SPSB4: variants seen among roughly 807,000 people sequenced by gnomAD.
SPSB4 encodes splA/ryanodine receptor domain and SOCS box containing 4, also known as SPRY domain-containing SOCS box protein 4.
In SPSB4, 21 loss-of-function variants were observed where a neutral mutation model predicts 20.9. The observed-to-expected ratio is 1.01, with a 90% CI of 0.71 to 1.45. The LOEUF (loss-of-function observed/expected upper bound fraction) is 1.45, where lower values mean the gene tolerates loss of function less well. Ranked by LOEUF, SPSB4 falls within the 40% of genes most tolerant of loss-of-function variation. The pLI, the probability that SPSB4 is intolerant of heterozygous loss-of-function variation, is 0.00. For missense variants in SPSB4, 399 were observed against 399.2 expected, an observed-to-expected ratio of 1.00 and a Z score of 0.00; for synonymous variants, 207 against 183.8, an observed-to-expected ratio of 1.13 and a Z score of -1.02.
intron 2 of SPSB4, among the ~76,000 whole-genome samples, chr3:141,071,604 T>A (rs910663616): frequency 6.6e-6 from 1 of 152,088 alleles, no homozygotes; most frequent in African/African-American, 2.4e-5. Context: ...AGCTAGCAAA[T>A]GACACAGCTG....
intron 2 of SPSB4, among the ~76,000 whole-genome samples, chr3:141,090,889 C>T (rs952538534): frequency 7.2e-5 from 11 of 152,078 alleles, no homozygotes; most frequent in African/African-American, 2.7e-4. Flanking sequence ...TGGCTTGGCT[C>T]GGGATGGCAG....
intron 2 of SPSB4, among the ~76,000 whole-genome samples, chr3:141,081,375 C>CAG (rs1219254695): frequency 6.6e-6 from 1 of 152,090 alleles, no homozygotes; most frequent in Non-Finnish European, 1.5e-5. Flanking sequence ...TGAGGAGCCC[C>CAG]AGAGAGAGAG....
intron 2 of SPSB4, among the ~76,000 whole-genome samples, chr3:141,131,301 C>T (rs1339312473): frequency 2.0e-5 from 3 of 152,142 alleles, no homozygotes; most frequent in Admixed American, 1.3e-4. Flanking sequence ...GCAAATGCTT[C>T]ACTTGTGTTG....
In SPSB4 at chr3:141,147,475, C is replaced by T. The variant is rs1376820562; in HGVS notation, c.*206C>T. On this transcript the variant is annotated 3_prime_UTR_variant, in exon 3 of 3. Coordinates refer to ENST00000310546, the MANE Select transcript of SPSB4 (RefSeq NM_080862.3). The stretch of plus-strand genomic sequence containing the variant: ...CAGTATCTACTGCCCTCGAGGCAGC[C>T]CTCCCAAGTCAGACACCTCCTTCGG... The T allele has an allele frequency of 1.2e-5, 9 of 772,464 alleles. No individual in the cohort carries two copies. The highest frequency in any genetic ancestry group is 1.8e-5 in the Non-Finnish European group (9 of 509,516). 47.9% of individuals were successfully genotyped at this position (772,464 alleles called of 1,614,324 possible).
At chr3:141,136,089 G>A (rs1228650850) in intron 2 of SPSB4, among the ~76,000 whole-genome samples, 2 of 152,092 alleles carry the variant, frequency 1.3e-5, no homozygotes, top group African/African-American at 2.4e-5. Context: ...TTCTCTGATG[G>A]CCAGTGATGA....
intron 1 of SPSB4, among the ~76,000 whole-genome samples, chr3:141,055,514 A>G (rs1937621886): frequency 6.6e-6 from 1 of 151,890 alleles, no homozygotes; most frequent in African/African-American, 2.4e-5. Context: ...GAATGAAGAG[A>G]TTGGTGGGTG....
At chr3:141,060,658 C>T (rs182285482) in intron 1 of SPSB4, among the ~76,000 whole-genome samples, 1 of 152,312 alleles carries the variant, frequency 6.6e-6, no homozygotes. Context: ...ATTGCTAGGT[C>T]AAAGGGTCTG....
chr3:141,058,914 A>G (rs1937709328), intron 1 of SPSB4, among the ~76,000 whole-genome samples: 2 of 152,110 alleles, frequency 1.3e-5, no homozygotes, highest in African/African-American at 4.8e-5. Context: ...TCATCCTCTG[A>G]AAAACAGCAG....
At position 141,066,609 on chromosome 3, in the gene SPSB4, G is replaced by C. The variant is rs759365429; in HGVS notation, c.505G>C (p.Glu169Gln). 1 of 1,595,352 alleles carries C rather than the reference G, an allele frequency of 6.3e-7. No individual in the cohort carries two copies. The highest frequency in any genetic ancestry group is 8.5e-7 in the Non-Finnish European group (1 of 1,170,950). ...CTACCCGGCCTTTCTGGGGCCCGAC[G>C]AGGCCTTTGCGCTGCCCGACTCGCT... ...VAYPAFLGPDEAFALPDSLLV... is the reference protein window; with the variant it reads ...VAYPAFLGPDQAFALPDSLLV... The change falls in exon 2 of 3, where the codon GAG becomes CAG. Residue 169 changes from glutamate to glutamine, a missense_variant. Physicochemically the swap from Glu to Gln is conservative, Grantham distance 29. Coordinates refer to ENST00000310546, the MANE Select transcript of SPSB4 (RefSeq NM_080862.3).
intron 2 of SPSB4, among the ~76,000 whole-genome samples, chr3:141,126,925 GC>G (rs1384105417): frequency 2.0e-5 from 3 of 152,318 alleles, no homozygotes; most frequent in East Asian, 3.9e-4. Flanking sequence ...CTCCAATACA[GC>G]CCCCCATGCC....
intron 2 of SPSB4, among the ~76,000 whole-genome samples, chr3:141,078,543 C>T (rs1039025950): frequency 2.6e-5 from 4 of 152,104 alleles, no homozygotes; most frequent in African/African-American, 9.7e-5. Context: ...GCTTGGGGGA[C>T]CTGAAGATCC....
intron 1 of SPSB4, among the ~76,000 whole-genome samples, chr3:141,061,280 CA>C (rs951878221): frequency 3.4e-5 from 5 of 148,252 alleles, no homozygotes; most frequent in African/African-American, 4.9e-5. Context: ...ATTTATAGAC[CA>C]AAAAAAAAGA....
chr3:141,051,594 G>A lies in SPSB4; in HGVS notation c.-552G>A, dbSNP rs1936089663. 6.6e-6 allele frequency: 1 copy of A among 151,388 alleles called. No homozygotes were observed. The highest frequency in any genetic ancestry group is 2.4e-5 in the African/African-American group (1 of 41,300). The allele number at this position is 151,388 out of a possible 1,614,324, so 9.4% of individuals were successfully genotyped here. A position where few individuals can be genotyped will look rare whatever the true frequency, so the allele number is the denominator to read the frequency against. ...TGGGGAAGACGCCCGGCGCGCCGGG[G>A]GCCAGCGGCCGAGGCGCGGCCCGTG... On this transcript the variant is annotated 5_prime_UTR_variant, in exon 1 of 3. Transcript: ENST00000310546.
intron 1 of SPSB4, among the ~76,000 whole-genome samples, chr3:141,064,939 CAA>C (rs910567303): frequency 6.6e-6 from 1 of 152,190 alleles, no homozygotes; most frequent in Non-Finnish European, 1.5e-5. Context: ...CCTGATCGAA[CAA>C]AGAGCTCACC....
chr3:141,119,968 G>C (rs913311850), intron 2 of SPSB4, among the ~76,000 whole-genome samples: 2 of 151,890 alleles, frequency 1.3e-5, no homozygotes, highest in African/African-American at 4.8e-5. Flanking sequence ...TTTTGAATTT[G>C]GTTGCTCTTG....
At chr3:141,136,683 T>C (rs1939233749) in intron 2 of SPSB4, among the ~76,000 whole-genome samples, 2 of 152,330 alleles carry the variant, frequency 1.3e-5, no homozygotes, top group South Asian at 4.1e-4. Flanking sequence ...GGCTCTGTTC[T>C]GTTCCATTGG....
At position 141,129,166 on chromosome 3, in the gene SPSB4, T is replaced by A. The variant is rs144285179; in HGVS notation, c.695-17976T>A. On this transcript the variant is annotated intron_variant, in intron 2 of 2. Coordinates refer to ENST00000310546, the MANE Select transcript of SPSB4 (RefSeq NM_080862.3). ...GAAGGCCAGACCCTTGAGTTCTTCA[T>A]CTAAGTGGAGGTGTCTTTCCCACAC... Among the ~76,000 whole-genome samples, 237 of 152,258 alleles carry A rather than the reference T, an allele frequency of 1.6e-3. 1 individual carries two copies. The highest frequency in any genetic ancestry group is 8.2e-3 in the Admixed American group (126 of 15,296).
rs1439584684 is a variant in SPSB4, at chr3:141,066,418, C to T, written c.314C>T (p.Pro105Leu). The part of the protein sequence containing the change: ...RGLHAWQINW[P>L]ARQRGTHAVV... ...CTGCACGCCTGGCAGATCAACTGGC[C>T]GGCTCGGCAGCGCGGCACCCACGCT... Residue 105 changes from proline to leucine, a missense_variant, in exon 2 of 3, where the codon CCG becomes CTG. Coordinates refer to ENST00000310546, the MANE Select transcript of SPSB4 (RefSeq NM_080862.3). The T allele has an allele frequency of 6.6e-7, 1 of 1,524,468 alleles. No individual in the cohort carries two copies. Among genetic ancestry groups the T allele is most frequent in the Non-Finnish European group, 8.8e-7 (1 of 1,137,012 alleles). The allele number at this position is 1,524,468 out of a possible 1,614,324, so 94.4% of individuals were successfully genotyped here.
intron 1 of SPSB4, among the ~76,000 whole-genome samples, chr3:141,054,210 C>G (rs1400617604): frequency 6.6e-6 from 1 of 152,148 alleles, no homozygotes; most frequent in Non-Finnish European, 1.5e-5. Flanking sequence ...GACCTGTTGT[C>G]ACACATCCAT....
Sources: gnomAD v4.1 joint callset for allele counts (sites outside exome capture counted in the v4.1 genomes callset) on GRCh38, gnomAD v4.1.1 for gene constraint, MANE v1.5 for transcripts, NCBI Gene and HGNC (gene_info 2026-07-23, HGNC 2026-07-21) for gene names.